RANBP2: variants seen among roughly 807,000 people sequenced by gnomAD.
RANBP2 encodes the protein E3 SUMO-protein ligase RanBP2.
In RANBP2, 57 loss-of-function variants were observed where a neutral mutation model predicts 303.6. That is an observed-to-expected ratio of 0.19 (90% CI 0.15 to 0.23). The LOEUF is 0.23. Ranked by LOEUF, RANBP2 falls within the 10% of genes least tolerant of loss-of-function variation. RANBP2 has a pLI of 1.00. For synonymous variants in RANBP2, 1,167 were observed against 1,301.5 expected (o/e 0.90, Z 2.23); for missense variants, 3,138 against 3,780.8 (o/e 0.83, Z 4.46).
At chr2:109,496,840 A>T in the RANBP2 span, among the ~76,000 whole-genome samples, 1 of 152,220 alleles carries the variant, frequency 6.6e-6, no homozygotes, top group African/African-American at 2.4e-5. Flanking sequence ...AAATAAAGAG[A>T]TTACCCGGGA....
the RANBP2 span, among the ~76,000 whole-genome samples, chr2:109,525,274 C>G: frequency 6.6e-6 from 1 of 152,100 alleles, no homozygotes; most frequent in Non-Finnish European, 1.5e-5. Flanking sequence ...TCTGCCTCAG[C>G]CTCCTGAGTA....
At chr2:109,461,118 T>C in the RANBP2 span, among the ~76,000 whole-genome samples, 3 of 152,266 alleles carry the variant, frequency 2.0e-5, no homozygotes, top group Non-Finnish European at 4.4e-5. Flanking sequence ...TGTAACTTAC[T>C]GGTGCCTTCG....
chr2:108,986,194 T>C, the RANBP2 span, among the ~76,000 whole-genome samples: 15 of 152,204 alleles, frequency 9.9e-5, no homozygotes, highest in Non-Finnish European at 2.2e-4. Flanking sequence ...TATCTTAGAC[T>C]GAACCACCTA....
chr2:109,033,581 G>A, the RANBP2 span, among the ~76,000 whole-genome samples: 1,790 of 152,298 alleles, frequency 0.012, 19 homozygotes, highest in African/African-American at 0.04. Context: ...CAGGAACTAC[G>A]GAGGGGCAAG....
chr2:108,786,175 C>CT (rs559309464), downstream of RANBP2, among the ~76,000 whole-genome samples: 253 of 148,576 alleles, frequency 1.7e-3, 2 homozygotes, highest in South Asian at 0.013. Flanking sequence ...TCTAACTATT[C>CT]TTTTTAATAC....
chr2:109,387,629 C>G, the RANBP2 span, among the ~76,000 whole-genome samples: 1 of 152,348 alleles, frequency 6.6e-6, no homozygotes, highest in East Asian at 1.9e-4. Context: ...TCTGGGCCCC[C>G]TATTTAACCT....
the RANBP2 span, among the ~76,000 whole-genome samples, chr2:108,976,770 G>T: frequency 6.6e-6 from 1 of 152,132 alleles, no homozygotes; most frequent in East Asian, 1.9e-4. Context: ...TAGTTGGTTT[G>T]TGTGTCCCTT....
At chr2:108,894,168 A>AAGAC in the RANBP2 span, among the ~76,000 whole-genome samples, 3 of 150,726 alleles carry the variant, frequency 2.0e-5, no homozygotes, top group Non-Finnish European at 3.0e-5. Context: ...ATTGAATTTT[A>AAGAC]AGACAAGACA....
At chr2:109,202,005 A>T in the RANBP2 span, among the ~76,000 whole-genome samples, 1 of 152,248 alleles carries the variant, frequency 6.6e-6, no homozygotes, top group Admixed American at 6.5e-5. Flanking sequence ...AACGGGACAC[A>T]GGCACAGAAC....
the RANBP2 span, among the ~76,000 whole-genome samples, chr2:109,185,419 A>C: frequency 6.6e-6 from 1 of 152,250 alleles, no homozygotes; most frequent in East Asian, 1.9e-4. Flanking sequence ...AAAAATTCTT[A>C]CTTTAAATCC....
At chr2:109,137,245 A>G in the RANBP2 span, among the ~76,000 whole-genome samples, 18 of 152,202 alleles carry the variant, frequency 1.2e-4, no homozygotes, top group East Asian at 3.5e-3. Flanking sequence ...CTTTTTGTTT[A>G]TTCTTCCATA....
chr2:109,405,661 A>G, the RANBP2 span, among the ~76,000 whole-genome samples: 111,871 of 152,142 alleles, frequency 0.74, 42,174 homozygotes, highest in African/African-American at 0.91. Flanking sequence ...GCCCTTCCAG[A>G]CCATCTGACA....
chr2:109,437,632 C>T, the RANBP2 span, among the ~76,000 whole-genome samples: 1 of 152,268 alleles, frequency 6.6e-6, no homozygotes, highest in Non-Finnish European at 1.5e-5. Context: ...TGGGGTGAGA[C>T]TCGGGCCCAG....
the RANBP2 span, among the ~76,000 whole-genome samples, chr2:109,272,222 C>T: frequency 6.6e-6 from 1 of 152,224 alleles, no homozygotes; most frequent in South Asian, 2.1e-4. Flanking sequence ...CAGCCTTTTT[C>T]CTAGTAAGCT....
chr2:109,554,752 T>C, the RANBP2 span, among the ~76,000 whole-genome samples: 2 of 152,200 alleles, frequency 1.3e-5, no homozygotes, highest in Admixed American at 6.5e-5. Flanking sequence ...TTCAGCCTCA[T>C]ATATGTAACA....
chr2:108,978,173 G>C, the RANBP2 span, among the ~76,000 whole-genome samples: 2 of 152,246 alleles, frequency 1.3e-5, no homozygotes, highest in Non-Finnish European at 2.9e-5. Flanking sequence ...AGGGCCTGCT[G>C]AGCTACGGCC....
the RANBP2 span, among the ~76,000 whole-genome samples, chr2:109,382,569 G>A: frequency 6.6e-6 from 1 of 152,098 alleles, no homozygotes; most frequent in Non-Finnish European, 1.5e-5. Context: ...CAGCCCCTCT[G>A]TCACCCCACA....
At chr2:109,369,559 G>A in the RANBP2 span, among the ~76,000 whole-genome samples, 1 of 152,142 alleles carries the variant, frequency 6.6e-6, no homozygotes, top group Non-Finnish European at 1.5e-5. Flanking sequence ...TGGTTTGGGT[G>A]TTTTTGAAGC....
chr2:109,335,785 G>C, the RANBP2 span, among the ~76,000 whole-genome samples: 9 of 152,176 alleles, frequency 5.9e-5, no homozygotes, highest in Non-Finnish European at 1.3e-4. Flanking sequence ...CTGCATAAAT[G>C]TCCTAAAACC....
Sources: gnomAD v4.1 joint callset for allele counts (sites outside exome capture counted in the v4.1 genomes callset) on GRCh38, gnomAD v4.1.1 for gene constraint, MANE v1.5 for transcripts, NCBI Gene and HGNC (gene_info 2026-07-23, HGNC 2026-07-21) for gene names.